The following JAM3 variants were observed in gnomAD, a reference collection of about 807,000 sequenced individuals.
JAM3 encodes junctional adhesion molecule 3, also known as junctional adhesion molecule C.
Under a neutral mutation model 39.4 loss-of-function variants are expected in JAM3, and 31 were observed. The observed-to-expected ratio is 0.79, with a 90% CI of 0.59 to 1.06. The LOEUF (loss-of-function observed/expected upper bound fraction) is 1.06, where lower values mean the gene tolerates loss of function less well. Ranked by LOEUF, JAM3 falls within the 50% of genes least tolerant of loss-of-function variation. The probability of loss-of-function intolerance (pLI) is 0.00; values close to 1 mark genes in which losing one functional copy is unlikely to be tolerated. For synonymous variants in JAM3, 182 were observed against 148.7 expected, an observed-to-expected ratio of 1.22 and a Z score of -1.63; for missense variants, 455 against 391.4, an observed-to-expected ratio of 1.16 and a Z score of -1.37.
chr11:134,120,195 A>G (rs909370987), intron 1 of JAM3, among the ~76,000 whole-genome samples: 1 of 152,234 alleles, frequency 6.6e-6, no homozygotes, highest in African/African-American at 2.4e-5. Flanking sequence ...AAGGGTAAAC[A>G]TGTAGCCTTT....
chr11:134,091,012 G>A (rs773811512), intron 1 of JAM3, among the ~76,000 whole-genome samples: 16 of 152,138 alleles, frequency 1.1e-4, no homozygotes, highest in South Asian at 4.1e-4. Flanking sequence ...TTAAGCTAAT[G>A]TATTGGCTGG....
chr11:134,079,357 G>C (rs986955785), intron 1 of JAM3, among the ~76,000 whole-genome samples: 1 of 152,154 alleles, frequency 6.6e-6, no homozygotes, highest in African/African-American at 2.4e-5. Flanking sequence ...GACATTCAGG[G>C]ACAAAATACA....
intron 1 of JAM3, among the ~76,000 whole-genome samples, chr11:134,138,938 G>A (rs930799398): frequency 1.3e-5 from 2 of 152,202 alleles, no homozygotes; most frequent in African/African-American, 4.8e-5. Context: ...AAAGCAGCTT[G>A]GAGCAGAGTT....
At chr11:134,130,674 A>G (rs1942753311) in intron 1 of JAM3, among the ~76,000 whole-genome samples, 1 of 152,248 alleles carries the variant, frequency 6.6e-6, no homozygotes, top group African/African-American at 2.4e-5. Context: ...TGGTATTTTT[A>G]CACACCCTTG....
chr11:134,137,979 A>G (rs369550543), intron 1 of JAM3, among the ~76,000 whole-genome samples: 27 of 78,098 alleles, frequency 3.5e-4, no homozygotes, highest in African/African-American at 9.0e-4. Flanking sequence ...TGGTGCTCAT[A>G]CTGAGAGAAA....
Position 134,113,642 on chromosome 11 carries a change from G to A in JAM3, c.77-26209G>A, listed in dbSNP as rs529397747. On this transcript the variant is annotated intron_variant, in intron 1 of 8. Coordinates refer to ENST00000299106, the MANE Select transcript of JAM3 (RefSeq NM_032801.5). Reference sequence around the variant, plus strand: ...AGTCTTTGCTATTGTGAATAGTGCCGCAATAAACATCCGTGTGCATGTGTC... The same window carrying A: ...AGTCTTTGCTATTGTGAATAGTGCCACAATAAACATCCGTGTGCATGTGTC... Among the ~76,000 whole-genome samples, 18 of 152,170 alleles carry A rather than the reference G, an allele frequency of 1.2e-4. 1 individual carries two copies. Among genetic ancestry groups the A allele is most frequent in the South Asian group, 6.2e-4 (3 of 4,814 alleles).
chr11:134,072,685 G>A lies in JAM3; in HGVS notation c.76+3526G>A, dbSNP rs899476544. ...CCAGCACTTTGGGAAGCCGAGGTGG[G>A]CGGATCACAAGATCAGGAGATCAAG... On this transcript the variant is annotated intron_variant, in intron 1 of 8. Coordinates refer to ENST00000299106, the MANE Select transcript of JAM3 (RefSeq NM_032801.5). 5.9e-5 allele frequency among the ~76,000 whole-genome samples: 9 copies of A among 151,268 alleles called. No individual in the cohort carries two copies. The South Asian group carries it at 8.3e-4, about 14-fold the overall frequency.
In JAM3 at chr11:134,089,472, C is replaced by T. The variant is rs141094640; in HGVS notation, c.76+20313C>T. Among the ~76,000 whole-genome samples the T allele has an allele frequency of 8.3e-3, 1,257 of 152,212 alleles. 18 individuals carry two copies. Among genetic ancestry groups the T allele is most frequent in the African/African-American group, 0.028 (1,167 of 41,514 alleles). On this transcript the variant is annotated intron_variant, in intron 1 of 8. Coordinates refer to ENST00000299106, the MANE Select transcript of JAM3 (RefSeq NM_032801.5). ...GCTATCCCCCCATCCCTGTACCCCACAACAGGCCCCGGTGTTTGATGTTCC... is the reference window on the plus strand; with the variant it reads ...GCTATCCCCCCATCCCTGTACCCCATAACAGGCCCCGGTGTTTGATGTTCC...
intron 1 of JAM3, among the ~76,000 whole-genome samples, chr11:134,087,221 A>G (rs78019546): frequency 0.042 from 6,383 of 152,168 alleles, 486 homozygotes; most frequent in African/African-American, 0.14. Context: ...ACACACACGC[A>G]CACACACACA....
intron 1 of JAM3, among the ~76,000 whole-genome samples, chr11:134,101,342 G>A (rs1215275407): frequency 6.6e-6 from 1 of 152,162 alleles, no homozygotes; most frequent in Non-Finnish European, 1.5e-5. Flanking sequence ...TTTCAAGGAG[G>A]ACAGCTATTT....
intron 1 of JAM3, chr11:134,123,766 G>T (rs1177091578): frequency 3.0e-6 from 2 of 667,322 alleles, no homozygotes; most frequent in East Asian, 2.6e-5. Flanking sequence ...CACATTTCCA[G>T]GTACCAAGGG....
chr11:134,105,374 A>T (rs1217663634), intron 1 of JAM3, among the ~76,000 whole-genome samples: 4 of 152,238 alleles, frequency 2.6e-5, no homozygotes, highest in Non-Finnish European at 5.9e-5. Flanking sequence ...AGAGTTATTT[A>T]TGACAAACCC....
intron 1 of JAM3, among the ~76,000 whole-genome samples, chr11:134,112,085 A>C (rs1942323104): frequency 6.6e-6 from 1 of 152,116 alleles, no homozygotes; most frequent in African/African-American, 2.4e-5. Flanking sequence ...TATTACGGTA[A>C]AGCAATTTAT....
intron 1 of JAM3, among the ~76,000 whole-genome samples, chr11:134,139,304 C>G (rs1340164175): frequency 6.6e-6 from 1 of 152,294 alleles, no homozygotes; most frequent in African/African-American, 2.4e-5. Flanking sequence ...CAACAAAGAC[C>G]GGTGAAAACT....
intron 1 of JAM3, chr11:134,070,377 C>T (rs1198446502): frequency 2.7e-6 from 1 of 371,490 alleles, no homozygotes; most frequent in Admixed American, 3.5e-5. Flanking sequence ...AATTAAAACA[C>T]GGAGGGACTG....
At chr11:134,104,466 A>C (rs1942141848) in intron 1 of JAM3, among the ~76,000 whole-genome samples, 1 of 152,206 alleles carries the variant, frequency 6.6e-6, no homozygotes, top group South Asian at 2.1e-4. Context: ...GCAAGAGAAA[A>C]CAAATTCAAA....
At chr11:134,098,735 A>G (rs138232574) in intron 1 of JAM3, among the ~76,000 whole-genome samples, 106 of 152,144 alleles carry the variant, frequency 7.0e-4, no homozygotes, top group Non-Finnish European at 1.4e-3. Flanking sequence ...TGCACTTCCT[A>G]AGGGTGATTT....
chr11:134,129,858 C>T (rs555327379), intron 1 of JAM3, among the ~76,000 whole-genome samples: 7 of 152,126 alleles, frequency 4.6e-5, no homozygotes, highest in South Asian at 2.1e-4. Context: ...AAAAATTAGC[C>T]GGGCGTGGTG....
intron 1 of JAM3, among the ~76,000 whole-genome samples, chr11:134,115,815 T>TC (rs1188725376): frequency 1.3e-5 from 2 of 151,958 alleles, no homozygotes; most frequent in Non-Finnish European, 2.9e-5. Context: ...GAAGATGGTT[T>TC]GAGTCCAGGA....
Sources: gnomAD v4.1 joint callset for allele counts (sites outside exome capture counted in the v4.1 genomes callset) on GRCh38, gnomAD v4.1.1 for gene constraint, MANE v1.5 for transcripts, NCBI Gene and HGNC (gene_info 2026-07-23, HGNC 2026-07-21) for gene names.